The following SOX5 variants were observed in gnomAD, a reference collection of about 807,000 sequenced individuals.
SOX5 encodes transcription factor SOX-5.
A neutral mutation model predicts 92.0 loss-of-function variants in SOX5; 9 were observed. The ratio of observed to expected loss-of-function variants is 0.10; its 90% CI spans 0.06 to 0.17. SOX5 has a LOEUF of 0.17. Ranked by LOEUF, SOX5 falls within the 10% of genes least tolerant of loss-of-function variation. The pLI, the probability that SOX5 is intolerant of heterozygous loss-of-function variation, is 1.00. For synonymous variants in SOX5, 344 were observed against 336.3 expected, an observed-to-expected ratio of 1.02 and a Z score of -0.25; for missense variants, 642 against 944.5, an observed-to-expected ratio of 0.68 and a Z score of 4.20.
chr12:23,756,343 C>T (rs2094377577), intron 3 of SOX5, among the ~76,000 whole-genome samples: 1 of 151,774 alleles, frequency 6.6e-6, no homozygotes, highest in Non-Finnish European at 1.5e-5. Flanking sequence ...TTGCTTATTT[C>T]AGATTTGTAT....
Position 24,290,480 on chromosome 12 carries a change from T to G in SOX5, c.-173-13168A>C, listed in dbSNP as rs116389597. Among the ~76,000 whole-genome samples, 497 of 152,330 alleles carry G rather than the reference T, an allele frequency of 3.3e-3. 5 individuals carry two copies. Among genetic ancestry groups the G allele is most frequent in the African/African-American group, 0.011 (469 of 41,578 alleles). ...AATAGCACTGATGAGGCGGCCATTA[T>G]TATCCTCATTCCACTAGGGGAAGAT... On this transcript the variant is annotated intron_variant, in intron 2 of 4. Transcript: ENST00000446891.
chr12:23,818,372 A>G (rs918971956), intron 3 of SOX5, among the ~76,000 whole-genome samples: 1 of 152,226 alleles, frequency 6.6e-6, no homozygotes, highest in Non-Finnish European at 1.5e-5. Context: ...GTATTCAAAC[A>G]TATCTAAATA....
chr12:24,444,428 T>G (rs1314986391), intron 1 of SOX5, among the ~76,000 whole-genome samples: 1 of 152,114 alleles, frequency 6.6e-6, no homozygotes, highest in Non-Finnish European at 1.5e-5. Flanking sequence ...TGAATGCAAA[T>G]AAATTCATCA....
intron 4 of SOX5, among the ~76,000 whole-genome samples, chr12:24,077,389 C>T (rs1942761843): frequency 6.6e-6 from 1 of 152,092 alleles, no homozygotes; most frequent in African/African-American, 2.4e-5. Context: ...TGTTTTCCTT[C>T]CAAAGGCTGC....
chr12:23,693,724 A>C (rs1185736180), intron 6 of SOX5, among the ~76,000 whole-genome samples: 1 of 152,152 alleles, frequency 6.6e-6, no homozygotes, highest in Admixed American at 6.5e-5. Flanking sequence ...ATTACTCTCA[A>C]CCAAATACAA....
At chr12:23,628,410 A>C (rs569295901) in intron 8 of SOX5, among the ~76,000 whole-genome samples, 1 of 152,234 alleles carries the variant, frequency 6.6e-6, no homozygotes, top group South Asian at 2.1e-4. Context: ...TTCACTCCAT[A>C]AAGGAAGTAA....
In SOX5 at chr12:23,993,864, A is replaced by AATGT. The variant is rs5797056; in HGVS notation, c.-1-97844_-1-97841dup. Among the ~76,000 whole-genome samples the AATGT allele has an allele frequency of 6.7e-3, 986 of 146,618 alleles. 3 individuals are homozygous for AATGT. The highest frequency in any genetic ancestry group is 0.021 in the Middle Eastern group (6 of 290). On this transcript the variant is annotated intron_variant, in intron 4 of 4. Coordinates refer to the SOX5 transcript ENST00000446891. ...ACATAAAGAAACTCCCTCCCTATGA[A>AATGT]ATGTATGTATGTATGTATGTATGTA...
intron 1 of SOX5, among the ~76,000 whole-genome samples, chr12:24,535,108 C>T (rs1330479336): frequency 1.3e-5 from 2 of 152,166 alleles, no homozygotes; most frequent in Non-Finnish European, 2.9e-5. Context: ...GCATAACCAC[C>T]TCCATCACTG....
chr12:23,911,492 A>T (rs902898875), intron 1 of SOX5, among the ~76,000 whole-genome samples: 20 of 152,048 alleles, frequency 1.3e-4, no homozygotes, highest in African/African-American at 4.8e-4. Context: ...ATCTGCTCAA[A>T]CTTGTTGTTC....
chr12:24,316,967 G>T (rs923470668), intron 2 of SOX5, among the ~76,000 whole-genome samples: 1 of 152,104 alleles, frequency 6.6e-6, no homozygotes, highest in Admixed American at 6.5e-5. Context: ...CCTTTACCCA[G>T]GGGTCAGAAT....
chr12:24,223,457 C>G (rs1478250339), intron 3 of SOX5: 1 of 152,156 alleles, frequency 6.6e-6, no homozygotes, highest in Non-Finnish European at 1.5e-5. Context: ...TATTTACATT[C>G]CAAAAGAAGT....
chr12:24,166,759 G>T (rs747362552), intron 4 of SOX5, among the ~76,000 whole-genome samples: 1 of 152,128 alleles, frequency 6.6e-6, no homozygotes, highest in African/African-American at 2.4e-5. Flanking sequence ...TAACGAACAC[G>T]CATTGTTTGC....
intron 1 of SOX5, among the ~76,000 whole-genome samples, chr12:24,424,819 G>A (rs1966506582): frequency 7.0e-6 from 1 of 143,568 alleles, no homozygotes; most frequent in South Asian, 2.2e-4. Flanking sequence ...GGGGGGGGGG[G>A]ATGGCTGTTT....
intron 4 of SOX5, among the ~76,000 whole-genome samples, chr12:24,143,826 G>A (rs1214854597): frequency 6.6e-6 from 1 of 150,800 alleles, no homozygotes; most frequent in East Asian, 1.9e-4. Flanking sequence ...GAAGAAGAAA[G>A]AAAGAGGAGG....
At chr12:23,658,297 A>G (rs1037345077) in intron 7 of SOX5, among the ~76,000 whole-genome samples, 2 of 152,154 alleles carry the variant, frequency 1.3e-5, no homozygotes, top group Non-Finnish European at 2.9e-5. Context: ...ACCTAGAAAC[A>G]CTTTTCTCAT....
At chr12:24,345,638 G>T (rs775200085) in intron 2 of SOX5, among the ~76,000 whole-genome samples, 7 of 152,266 alleles carry the variant, frequency 4.6e-5, no homozygotes, top group Admixed American at 4.6e-4. Flanking sequence ...CAACGGAAAA[G>T]TATAAAATTA....
intron 1 of SOX5, among the ~76,000 whole-genome samples, chr12:24,377,612 C>T (rs1262536378): frequency 1.3e-5 from 2 of 152,108 alleles, no homozygotes; most frequent in African/African-American, 4.8e-5. Flanking sequence ...CAGGACTGTG[C>T]CTGGAACCCA....
chr12:23,844,760 TATG>T (rs2096556442), intron 3 of SOX5, among the ~76,000 whole-genome samples: 1 of 152,230 alleles, frequency 6.6e-6, no homozygotes, highest in African/African-American at 2.4e-5. Context: ...TATAATGTTT[TATG>T]TTTTTAAAAT....
intron 1 of SOX5, among the ~76,000 whole-genome samples, chr12:24,374,778 C>G (rs1957083046): frequency 6.6e-6 from 1 of 152,188 alleles, no homozygotes; most frequent in Non-Finnish European, 1.5e-5. Flanking sequence ...ATAAATGTGA[C>G]AGCCCACACT....
Sources: allele counts gnomAD v4.1 joint callset (sites outside exome capture counted in the v4.1 genomes callset), GRCh38; gene constraint gnomAD v4.1.1; transcripts MANE v1.5; gene names NCBI Gene and HGNC (gene_info 2026-07-23, HGNC 2026-07-21).